The following SPSB1 variants were observed in gnomAD, a reference collection of about 807,000 sequenced individuals.
The protein encoded by SPSB1 is SPRY domain-containing SOCS box protein 1.
SPSB1 carries 8 observed loss-of-function variants against 21.2 expected under a neutral mutation model. The observed-to-expected ratio is 0.38, with a 90% CI of 0.22 to 0.68. SPSB1 has a LOEUF of 0.68. SPSB1 is among the 30% of genes least tolerant of loss of function. SPSB1 has a pLI of 0.53. For missense variants in SPSB1, 242 were observed against 377.8 expected (o/e 0.64, Z 2.98); for synonymous variants, 169 against 161.7 (o/e 1.05, Z -0.34).
Position 9,343,340 on chromosome 1 carries a change from G to A in SPSB1, c.-149-12403G>A, listed in dbSNP as rs551699199. 1.1e-4 allele frequency among the ~76,000 whole-genome samples: 16 copies of A among 150,428 alleles called. No homozygotes were observed. The South Asian group carries it at 1.5e-3, about 14-fold the overall frequency. ...ATTTGCCTATCCTGGTCATTTCGTC[G>A]AAAGGGAATCGTACAATGTGTGACC... On this transcript the variant is annotated intron_variant, in intron 1 of 2. Coordinates refer to ENST00000328089, the MANE Select transcript of SPSB1 (RefSeq NM_025106.4).
intron 1 of SPSB1, among the ~76,000 whole-genome samples, chr1:9,327,415 G>T (rs1251676483): frequency 6.6e-6 from 1 of 152,162 alleles, no homozygotes; most frequent in East Asian, 1.9e-4. Context: ...GTAGCTGCTG[G>T]AAATGAGGTT....
intron 1 of SPSB1, among the ~76,000 whole-genome samples, chr1:9,294,317 AGTGTCTGTGTGTCTCCAAGTGT>A (rs956318303): frequency 1.8e-4 from 22 of 122,426 alleles, no homozygotes; most frequent in African/African-American, 6.5e-4. Flanking sequence ...TGTATGTGTG[AGTGTCTGTGTGTCTCCAAGTGT>A]GTGTCTGTGT....
intron 1 of SPSB1, among the ~76,000 whole-genome samples, chr1:9,306,162 A>C (rs527575124): frequency 6.6e-6 from 1 of 152,280 alleles, no homozygotes; most frequent in South Asian, 2.1e-4. Flanking sequence ...CCCACAGGGC[A>C]GGGACTGAGG....
chr1:9,330,044 G>A lies in SPSB1; in HGVS notation c.-149-25699G>A, dbSNP rs1279431352. On this transcript the variant is annotated intron_variant, in intron 1 of 2. Transcript: ENST00000328089. The stretch of plus-strand genomic sequence containing the variant: ...AAGGGAAACCTGACCATCTGCATGG[G>A]TCTCTTACCTCCATTCTGAGGACAC... Among the ~76,000 whole-genome samples, 3 of 152,182 alleles carry A rather than the reference G, an allele frequency of 2.0e-5. No homozygotes were observed. In the East Asian group the frequency reaches 5.8e-4, roughly 29 times the overall value.
intron 1 of SPSB1, among the ~76,000 whole-genome samples, chr1:9,334,066 T>A (rs1639966599): frequency 6.6e-6 from 1 of 152,326 alleles, no homozygotes; most frequent in Non-Finnish European, 1.5e-5. Flanking sequence ...AGCAAATACA[T>A]ATAACATAAA....
In SPSB1 at chr1:9,293,177, G is replaced by T; in HGVS notation, c.-150+106G>T. On this transcript the variant is annotated intron_variant, in intron 1 of 2. Coordinates refer to ENST00000328089, the MANE Select transcript of SPSB1 (RefSeq NM_025106.4). This position sits in a 1 kb window ranked among gnomAD's most constrained non-coding sequence, Gnocchi z 5.1. ...CGGACGCGGGGATCGCGCCGCTGGG[G>T]GACCGAGTGGGTGGCGCGGGGCCGG... The T allele has an allele frequency of 1.0e-6, 1 of 966,018 alleles. No homozygotes were observed. The highest frequency in any genetic ancestry group is 1.2e-6 in the Non-Finnish European group (1 of 813,786). 59.8% of individuals were successfully genotyped at this position (966,018 alleles called of 1,614,324 possible).
chr1:9,331,321 GTTTT>G (rs34199175), intron 1 of SPSB1, among the ~76,000 whole-genome samples: 1 of 53,700 alleles, frequency 1.9e-5, no homozygotes, highest in East Asian at 5.7e-4. Flanking sequence ...TGGTGCTCTT[GTTTT>G]TTTTTTTTTT....
At chr1:9,353,608 G>A (rs923214686) in intron 1 of SPSB1, among the ~76,000 whole-genome samples, 34 of 152,104 alleles carry the variant, frequency 2.2e-4, no homozygotes, top group Admixed American at 1.2e-3. Flanking sequence ...AGAGATGACC[G>A]TGCCCCTGAG....
chr1:9,322,348 A>G (rs992034094), intron 1 of SPSB1, among the ~76,000 whole-genome samples: 3 of 152,156 alleles, frequency 2.0e-5, no homozygotes, highest in African/African-American at 7.2e-5. Context: ...GTAAGGGCAG[A>G]GCTGGGATTA....
intron 1 of SPSB1, among the ~76,000 whole-genome samples, chr1:9,334,480 C>G (rs957918638): frequency 6.6e-6 from 1 of 152,196 alleles, no homozygotes; most frequent in African/African-American, 2.4e-5. Flanking sequence ...CTTGGCCTCC[C>G]AAAGTGCTGG....
intron 2 of SPSB1, among the ~76,000 whole-genome samples, chr1:9,361,172 T>TTTTTTC (rs1242448255): frequency 3.5e-5 from 5 of 143,712 alleles, no homozygotes; most frequent in South Asian, 2.3e-4. Flanking sequence ...TTTTTTTTTT[T>TTTTTTC]TTTTTTTTTT....
At position 9,356,612 on chromosome 1, in the gene SPSB1, C is replaced by A; in HGVS notation, c.694+27C>A. On this transcript the variant is annotated intron_variant, in intron 2 of 2. Coordinates refer to ENST00000328089, the MANE Select transcript of SPSB1 (RefSeq NM_025106.4). The surrounding 1 kb of genome is among the most constrained non-coding windows in gnomAD (Gnocchi z 7.4). ...TAAGTGTCTCCTCTGCTGTCAGAGG[C>A]AATGCCCTCCCTCAGTCCCCATGGT... 6.4e-7 allele frequency: 1 copy of A among 1,559,954 alleles called. No homozygotes were observed. The highest frequency in any genetic ancestry group is 8.7e-7 in the Non-Finnish European group (1 of 1,149,618).
In SPSB1 at chr1:9,367,444, C is replaced by G. The variant is rs772258094; in HGVS notation, c.695-4C>G. 3 of 1,613,494 alleles carry G rather than the reference C, an allele frequency of 1.9e-6. No homozygotes were observed. The highest frequency in any genetic ancestry group is 2.5e-6 in the Non-Finnish European group (3 of 1,179,956). On this transcript the variant is annotated splice_region_variant and splice_polypyrimidine_tract_variant and intron_variant, in intron 2 of 2. Transcript: ENST00000328089. The surrounding 1 kb of genome is among the most constrained non-coding windows in gnomAD (Gnocchi z 5.9). ...GCTGACCTGCAGTTTCTCTGTCTCC[C>G]CAGCCGAGCCGCTGCCGCTCATGGA...
chr1:9,361,179 T>TTTTTTTTTTTTTTTTTTG (rs1640471518), intron 2 of SPSB1, among the ~76,000 whole-genome samples: 2 of 105,104 alleles, frequency 1.9e-5, no homozygotes, highest in East Asian at 6.8e-4. Flanking sequence ...TTTTTTTTTT[T>TTTTTTTTTTTTTTTTTTG]TTTTAGAGAT....
At chr1:9,326,835 CTG>C (rs1639823624) in intron 1 of SPSB1, among the ~76,000 whole-genome samples, 1 of 152,218 alleles carries the variant, frequency 6.6e-6, no homozygotes. Context: ...CTTATTGCCT[CTG>C]AGTCAAAACA....
chr1:9,309,283 TGAGAGAGAGA>T (rs748979653), intron 1 of SPSB1, among the ~76,000 whole-genome samples: 7,690 of 137,588 alleles, frequency 0.056, 269 homozygotes, highest in African/African-American at 0.11. Flanking sequence ...AGAGAGAGTG[TGAGAGAGAGA>T]GAGAGAGAGT....
chr1:9,353,956 A>G (rs1012917802), intron 1 of SPSB1, among the ~76,000 whole-genome samples: 6 of 151,674 alleles, frequency 4.0e-5, no homozygotes, highest in African/African-American at 1.5e-4. Context: ...CACATCAGAA[A>G]GGGGAGGGCG....
intron 2 of SPSB1, among the ~76,000 whole-genome samples, chr1:9,364,450 C>T (rs188385642): frequency 6.6e-5 from 10 of 152,296 alleles, no homozygotes; most frequent in South Asian, 4.1e-4. Context: ...TCCGGGCAGA[C>T]GGAGGGATGT....
At chr1:9,297,487 C>T (rs990303156) in intron 1 of SPSB1, among the ~76,000 whole-genome samples, 4 of 152,080 alleles carry the variant, frequency 2.6e-5, no homozygotes, top group African/African-American at 9.7e-5. Flanking sequence ...GCACTCCACA[C>T]CAAGAGAACC....
Sources: allele counts gnomAD v4.1 joint callset (sites outside exome capture counted in the v4.1 genomes callset), GRCh38; gene constraint gnomAD v4.1.1; non-coding constraint Gnocchi (gnomAD v3.1); transcripts MANE v1.5; gene names NCBI Gene and HGNC (gene_info 2026-07-23, HGNC 2026-07-21).